The following SLC6A6 variants were observed in gnomAD, a reference collection of about 807,000 sequenced individuals.
SLC6A6 encodes solute carrier family 6 member 6, also known as sodium- and chloride-dependent taurine transporter.
SLC6A6 carries 16 observed loss-of-function variants against 68.8 expected under a neutral mutation model. That is an observed-to-expected ratio of 0.23 (90% CI 0.16 to 0.35). The LOEUF is 0.35. Among genes scored for constraint, SLC6A6 ranks in the 10% least tolerant of loss-of-function variants. SLC6A6 has a pLI of 1.00. For missense variants in SLC6A6, 474 were observed against 802.8 expected (o/e 0.59, Z 4.95); for synonymous variants, 312 against 315.4 (o/e 0.99, Z 0.12).
chr3:14,445,335 G>T (rs1328854873), intron 3 of SLC6A6, among the ~76,000 whole-genome samples: 2 of 151,886 alleles, frequency 1.3e-5, no homozygotes, highest in Non-Finnish European at 2.9e-5. Flanking sequence ...GCAGGAGAAT[G>T]GTGTGAACCC....
rs1701118777 is a variant in SLC6A6 at position 14,485,145 on chromosome 3, G to GGTGT, written c.*140_*141insGTGT. 2 of 617,278 alleles carry GGTGT rather than the reference G, an allele frequency of 3.2e-6. No homozygotes were observed. The highest frequency in any genetic ancestry group is 2.6e-6 in the Non-Finnish European group (1 of 382,302). The allele number at this position is 617,278 out of a possible 1,614,324, so 38.2% of individuals were successfully genotyped here. A position where few individuals can be genotyped will look rare whatever the true frequency, so the allele number is the denominator to read the frequency against. On this transcript the variant is annotated 3_prime_UTR_variant, in exon 15 of 15. Transcript: ENST00000622186. Reference sequence around the variant, plus strand: ...AATTGTCACAGAAAATGTAATTGTGGGTATGTGTGCGTGCGTGTGTGTGTG... The same window carrying GGTGT: ...AATTGTCACAGAAAATGTAATTGTGGGTGTGTATGTGTGCGTGCGTGTGTGTGTG...
intron 6 of SLC6A6, among the ~76,000 whole-genome samples, chr3:14,459,787 C>T (rs1461446808): frequency 1.3e-5 from 2 of 152,082 alleles, no homozygotes; most frequent in Non-Finnish European, 2.9e-5. Flanking sequence ...TCAGTTTCCT[C>T]CTCTATAAAA....
chr3:14,471,293 C>T (rs1700747868), intron 9 of SLC6A6, among the ~76,000 whole-genome samples: 1 of 152,106 alleles, frequency 6.6e-6, no homozygotes, highest in Non-Finnish European at 1.5e-5. Flanking sequence ...TCCGGAATGT[C>T]TCCCATCAGA....
Position 14,402,672 on chromosome 3 carries a change from C to T in SLC6A6, c.-229C>T. 1 of 398,340 alleles carries T rather than the reference C, an allele frequency of 2.5e-6. No homozygotes were observed. 24.7% of individuals were successfully genotyped at this position (398,340 alleles called of 1,614,324 possible). On this transcript the variant is annotated 5_prime_UTR_variant, in exon 1 of 15. Transcript: ENST00000622186. The surrounding 1 kb of genome is among the most constrained non-coding windows in gnomAD (Gnocchi z 4.8). ...GAAGCCGCTTATAAATTACCGCTTC[C>T]TTCGCGCCGCCGCCAACGCCGAGCC...
intron 1 of SLC6A6, among the ~76,000 whole-genome samples, chr3:14,405,466 G>A (rs955549620): frequency 3.3e-5 from 5 of 152,230 alleles, no homozygotes; most frequent in African/African-American, 7.2e-5. Context: ...TATAGAAAAA[G>A]CTGAGAAGTA....
intron 2 of SLC6A6, among the ~76,000 whole-genome samples, chr3:14,425,568 C>T (rs987460658): frequency 1.3e-5 from 2 of 152,142 alleles, no homozygotes; most frequent in African/African-American, 4.8e-5. Flanking sequence ...GTATCCTTGC[C>T]CCCAAGGAGT....
intron 6 of SLC6A6, among the ~76,000 whole-genome samples, chr3:14,466,210 C>G (rs1018525253): frequency 6.7e-6 from 1 of 149,562 alleles, no homozygotes; most frequent in Admixed American, 6.7e-5. Context: ...TGCAGTGAGC[C>G]GAGATCGTGC....
intron 2 of SLC6A6, among the ~76,000 whole-genome samples, chr3:14,442,869 A>G (rs1202355405): frequency 6.6e-6 from 1 of 152,234 alleles, no homozygotes. Context: ...AAGCCAGAGG[A>G]TGGTTAGAGA....
intron 1 of SLC6A6, among the ~76,000 whole-genome samples, chr3:14,409,298 C>T (rs1473198374): frequency 1.3e-5 from 2 of 152,300 alleles, no homozygotes; most frequent in African/African-American, 4.8e-5. Flanking sequence ...GTGCTGCCAG[C>T]TCAGTAAATG....
chr3:14,409,912 GCACA>G (rs1313499747), intron 1 of SLC6A6, among the ~76,000 whole-genome samples: 25 of 152,310 alleles, frequency 1.6e-4, no homozygotes, highest in Admixed American at 1.3e-3. Flanking sequence ...TGTTGGCCAG[GCACA>G]CTGGCTCACG....
intron 2 of SLC6A6, among the ~76,000 whole-genome samples, chr3:14,436,171 T>C (rs1337070911): frequency 4.6e-5 from 7 of 152,150 alleles, no homozygotes; most frequent in African/African-American, 1.7e-4. Context: ...CCACTTAGAG[T>C]GATGGAAAGA....
rs1017979381 is a variant in SLC6A6 at position 14,417,675 on chromosome 3, C to T, written c.-12+1222C>T. ...TGAACCCGGGGGATGGAGCTTGCAG[C>T]GAGCCGCGATCGTGCCACTGCACTC... On this transcript the variant is annotated intron_variant, in intron 2 of 14. Coordinates refer to ENST00000622186, the MANE Select transcript of SLC6A6 (RefSeq NM_003043.6). Among the ~76,000 whole-genome samples the T allele has an allele frequency of 1.7e-4, 26 of 149,892 alleles. No individual in the cohort carries two copies. In the East Asian group the frequency reaches 3.5e-3, roughly 20 times the overall value.
intron 1 of SLC6A6, among the ~76,000 whole-genome samples, chr3:14,412,357 T>A (rs1459886742): frequency 6.6e-6 from 1 of 152,056 alleles, no homozygotes; most frequent in Non-Finnish European, 1.5e-5. Context: ...TGGTAGAATA[T>A]CAATTAGAAC....
At chr3:14,474,937 A>G (rs544744093) in intron 10 of SLC6A6, among the ~76,000 whole-genome samples, 21 of 152,358 alleles carry the variant, frequency 1.4e-4, no homozygotes, top group Non-Finnish European at 2.6e-4. Flanking sequence ...CCTAAGAGCC[A>G]TCATACTGCT....
intron 6 of SLC6A6, among the ~76,000 whole-genome samples, chr3:14,462,646 C>G (rs559405263): frequency 6.6e-6 from 1 of 151,962 alleles, no homozygotes; most frequent in Non-Finnish European, 1.5e-5. Flanking sequence ...CTGCAGTGAG[C>G]TTTGATTGCG....
intron 5 of SLC6A6, among the ~76,000 whole-genome samples, chr3:14,451,762 C>T (rs1700256267): frequency 6.6e-6 from 1 of 152,184 alleles, no homozygotes; most frequent in African/African-American, 2.4e-5. Context: ...ATCTGAATCC[C>T]CCTGAAGATA....
chr3:14,424,931 G>T (rs1430719555), intron 2 of SLC6A6, among the ~76,000 whole-genome samples: 1 of 152,200 alleles, frequency 6.6e-6, no homozygotes, highest in African/African-American at 2.4e-5. Context: ...ACACAACACC[G>T]GCTGGAGAAA....
At chr3:14,474,794 G>C (rs140347118) in intron 10 of SLC6A6, among the ~76,000 whole-genome samples, 50 of 152,264 alleles carry the variant, frequency 3.3e-4, no homozygotes, top group Admixed American at 9.1e-4. Flanking sequence ...ACTTCCTCCT[G>C]TTGGAAGTAT....
intron 2 of SLC6A6, among the ~76,000 whole-genome samples, chr3:14,437,385 G>A (rs1699881603): frequency 6.6e-6 from 1 of 152,034 alleles, no homozygotes; most frequent in East Asian, 1.9e-4. Flanking sequence ...AGCCTCCCGA[G>A]TAGCTGGGAC....
Sources: gnomAD v4.1 joint callset for allele counts (sites outside exome capture counted in the v4.1 genomes callset) on GRCh38, gnomAD v4.1.1 for gene constraint, Gnocchi (gnomAD v3.1) non-coding constraint, MANE v1.5 for transcripts, NCBI Gene and HGNC (gene_info 2026-07-23, HGNC 2026-07-21) for gene names.